DOCK6: variants seen among roughly 807,000 people sequenced by gnomAD.
DOCK6 encodes the protein dedicator of cytokinesis protein 6.
In DOCK6, 167 loss-of-function variants were observed where a neutral mutation model predicts 230.3. That is an observed-to-expected ratio of 0.73 (90% CI 0.64 to 0.82). The LOEUF is 0.82. DOCK6 is among the 40% of genes least tolerant of loss of function. DOCK6 has a pLI of 0.00. For synonymous variants in DOCK6, 1,148 were observed against 1,185.0 expected, an observed-to-expected ratio of 0.97 and a Z score of 0.64; for missense variants, 2,598 against 2,825.8, an observed-to-expected ratio of 0.92 and a Z score of 1.83.
Position 11,204,064 on chromosome 19 carries a change from C to T in DOCK6, c.5235+17G>A. On this transcript the variant is annotated intron_variant, in intron 41 of 47. Transcript: ENST00000294618. ...GGGGTCCCAGAGGCAGGTGGCTGTC[C>T]ACCAAGGCTGACTCACCTCCCAGCC... 1 of 1,549,046 alleles carries T rather than the reference C, an allele frequency of 6.5e-7. No individual in the cohort carries two copies. The highest frequency in any genetic ancestry group is 8.7e-7 in the Non-Finnish European group (1 of 1,146,440).
At chr19:11,237,168 A>G (rs1464308822) in intron 18 of DOCK6, 13 of 589,336 alleles carry the variant, frequency 2.2e-5, no homozygotes, top group Non-Finnish European at 3.3e-5. Flanking sequence ...GTCATTAACA[A>G]TGGTGCATTC....
At chr19:11,230,398 T>A (rs2147809345) in intron 22 of DOCK6, among the ~76,000 whole-genome samples, 1 of 151,548 alleles carries the variant, frequency 6.6e-6, no homozygotes, top group African/African-American at 2.4e-5. Context: ...AGTACGCCAG[T>A]GACCAGTGAC....
chr19:11,202,251 A>G lies in DOCK6; in HGVS notation c.5452-126T>C, dbSNP rs2079182121. ...TCTTCCTATGTCTGGATGTTTGGGA[A>G]TCCCCTGAGGAATAGGTTTTGGGGT... On this transcript the variant is annotated intron_variant, in intron 43 of 47. Coordinates refer to ENST00000294618, the MANE Select transcript of DOCK6 (RefSeq NM_020812.4). The surrounding 1 kb of genome is among the most constrained non-coding windows in gnomAD (Gnocchi z 5.3). 1 of 1,378,268 alleles carries G rather than the reference A, an allele frequency of 7.3e-7. No homozygotes were observed. Among genetic ancestry groups the G allele is most frequent in the African/African-American group, 1.4e-5 (1 of 69,382 alleles). The allele number at this position is 1,378,268 out of a possible 1,614,324, so 85.4% of individuals were successfully genotyped here.
intron 41 of DOCK6, 78 bp downstream of exon 41, chr19:11,204,003 C>G: frequency 2.6e-6 from 4 of 1,536,822 alleles, no homozygotes; most frequent in East Asian, 2.4e-5. Context: ...CTGGTGCCCC[C>G]TGGTGTTCAC....
At position 11,236,486 on chromosome 19, in the gene DOCK6, C is replaced by T; in HGVS notation, c.2252G>A (p.Gly751Asp). Reference protein sequence around the residue: ...FRLKDTVLSEGNVEQELRASL... With the variant: ...FRLKDTVLSEDNVEQELRASL... ...GGCCCGCAGCTCCTGCTCCACGTTGCCCTCGCTCAGCACAGTGTCCTTGAG... is the reference window on the plus strand; with the variant it reads ...GGCCCGCAGCTCCTGCTCCACGTTGTCCTCGCTCAGCACAGTGTCCTTGAG... Residue 751 changes from glycine to aspartate, a missense_variant, in exon 20 of 48, where the codon GGC (glycine) becomes GAC (aspartate). Transcript: ENST00000294618. The surrounding 1 kb of genome is among the most constrained non-coding windows in gnomAD (Gnocchi z 5.2). 1.2e-6 allele frequency: 2 copies of T among 1,600,792 alleles called. No homozygotes were observed. The highest frequency in any genetic ancestry group is 1.7e-6 in the Non-Finnish European group (2 of 1,174,230).
intron 1 of DOCK6, among the ~76,000 whole-genome samples, chr19:11,261,253 C>T (rs1298666039): frequency 2.0e-5 from 3 of 152,000 alleles, no homozygotes; most frequent in Non-Finnish European, 2.9e-5. Flanking sequence ...TGGCCTCGAT[C>T]GATCCCTCTC....
Position 11,199,396 on chromosome 19 carries a change from AC to A in DOCK6, c.*100del. ...GCCCAGCCCCAAGTACAGTGTGGTC[AC>A]CCCACAGCCCAGTGGGCACCAGGGC... On this transcript the variant is annotated 3_prime_UTR_variant, in exon 48 of 48. Coordinates refer to ENST00000294618, the MANE Select transcript of DOCK6 (RefSeq NM_020812.4). 1 of 1,397,586 alleles carries A rather than the reference AC, an allele frequency of 7.2e-7. No individual in the cohort carries two copies. Among genetic ancestry groups the A allele is most frequent in the Non-Finnish European group, 9.9e-7 (1 of 1,007,704 alleles). The allele number at this position is 1,397,586 out of a possible 1,614,324, so 86.6% of individuals were successfully genotyped here.
At chr19:11,213,066 C>T (rs1166714166) in intron 35 of DOCK6, 110 bp downstream of exon 35, 47 of 1,413,284 alleles carry the variant, frequency 3.3e-5, no homozygotes, top group Non-Finnish European at 4.3e-5. Context: ...TCCTCCTGCT[C>T]ATTATGCTCA....
chr19:11,250,257 C>T lies in DOCK6; in HGVS notation c.720+617G>A, dbSNP rs191846353. Among the ~76,000 whole-genome samples the T allele has an allele frequency of 2.2e-4, 34 of 151,238 alleles. 1 individual carries two copies. The East Asian group carries it at 3.1e-3, about 14-fold the overall frequency. On this transcript the variant is annotated intron_variant, in intron 6 of 47. Coordinates refer to ENST00000294618, the MANE Select transcript of DOCK6 (RefSeq NM_020812.4). ...AACTCCTGACCTCAGGTGATCCACCCGCCTCAGCCTCCCAAAGTGCTGGGA... is the reference window on the plus strand; with the variant it reads ...AACTCCTGACCTCAGGTGATCCACCTGCCTCAGCCTCCCAAAGTGCTGGGA...
intron 5 of DOCK6, chr19:11,251,872 T>C (rs957829304): frequency 1.9e-6 from 1 of 539,062 alleles, no homozygotes; most frequent in East Asian, 3.3e-5. Flanking sequence ...TCAGTTTCCT[T>C]ACCTGGGTGT....
chr19:11,232,541 G>A lies in DOCK6; in HGVS notation c.2718+662C>T, dbSNP rs915170502. On this transcript the variant is annotated intron_variant, in intron 22 of 47. Transcript: ENST00000294618. Reference sequence around the variant, plus strand: ...ATGGGGTGCATGTGTATACACACCCGTACACATATATGCATCAGGTGAATG... The same window carrying A: ...ATGGGGTGCATGTGTATACACACCCATACACATATATGCATCAGGTGAATG... Among the ~76,000 whole-genome samples the A allele has an allele frequency of 5.9e-5, 9 of 152,172 alleles. No individual in the cohort carries two copies. In the South Asian group the frequency reaches 1.0e-3, roughly 18 times the overall value.
chr19:11,217,302 C>G lies in DOCK6; in HGVS notation c.3640G>C (p.Val1214Leu). Residue 1214 changes from valine to leucine, a missense_variant, in exon 29 of 48, where the codon GTG becomes CTG. By Grantham distance (32) the Val-to-Leu change is conservative. Coordinates refer to ENST00000294618, the MANE Select transcript of DOCK6 (RefSeq NM_020812.4). Reference sequence around the variant, plus strand: ...GGGCCACCAGCAATGGCCATGGCCACAGAGGGGTTGATGGTACCCGCAATG... The same window carrying G: ...GGGCCACCAGCAATGGCCATGGCCAGAGAGGGGTTGATGGTACCCGCAATG... ...GDIAGTINPS[V>L]AMAIAGGPLA... is the part of the protein sequence containing the mutation. 6.2e-7 allele frequency: 1 copy of G among 1,613,230 alleles called. No individual in the cohort carries two copies. Among genetic ancestry groups the G allele is most frequent in the South Asian group, 1.1e-5 (1 of 90,938 alleles).
At chr19:11,247,920 C>T in intron 7 of DOCK6, 146 bp downstream of exon 7, 1 of 649,252 alleles carries the variant, frequency 1.5e-6, no homozygotes, top group South Asian at 1.8e-5. Flanking sequence ...GGAAGTCTTC[C>T]TTCCCCCATA....
At chr19:11,239,313 T>C (rs2079902076) in intron 14 of DOCK6, among the ~76,000 whole-genome samples, 1 of 152,198 alleles carries the variant, frequency 6.6e-6, no homozygotes, top group Non-Finnish European at 1.5e-5. Context: ...ATAAAATCTT[T>C]ACTGTTATTA....
At chr19:11,241,438 C>G in intron 14 of DOCK6, 2 of 1,541,904 alleles carry the variant, frequency 1.3e-6, no homozygotes, top group Non-Finnish European at 1.8e-6. Context: ...CATTCTGACC[C>G]CCACAGGCTC....
rs2080153666 is a variant in DOCK6 at position 11,253,537 on chromosome 19, G to C, written c.132+102C>G. On this transcript the variant is annotated intron_variant, in intron 2 of 47. Transcript: ENST00000294618. The stretch of plus-strand genomic sequence containing the variant: ...TCCCTCTCGGTTTCCCCCCAGGACA[G>C]GCCACAGGAGGGAGGGGGTGGGATA... 4.0e-6 allele frequency: 3 copies of C among 751,616 alleles called. No homozygotes were observed. The South Asian group carries it at 9.2e-5, about 23-fold the overall frequency. 46.6% of individuals were successfully genotyped at this position (751,616 alleles called of 1,614,324 possible).
intron 39 of DOCK6, among the ~76,000 whole-genome samples, chr19:11,206,599 T>C (rs2079265048): frequency 6.6e-6 from 1 of 151,322 alleles, no homozygotes; most frequent in Admixed American, 6.6e-5. Flanking sequence ...AGACTTAGGA[T>C]ACAGATCAGC....
In DOCK6 at chr19:11,210,061, CCTTCA is replaced by C. The variant is rs1306390945; in HGVS notation, c.4752-963_4752-959del. On this transcript the variant is annotated intron_variant, in intron 37 of 47. Transcript: ENST00000294618. Reference sequence around the variant, plus strand: ...CTGTCCACCCTCTCACCTGTCCATCCCTTCACTTGTCTATCCCCTCACCTGCCCAC... The same window carrying C: ...CTGTCCACCCTCTCACCTGTCCATCCCTTGTCTATCCCCTCACCTGCCCAC... Among the ~76,000 whole-genome samples, 49 of 148,078 alleles carry C rather than the reference CCTTCA, an allele frequency of 3.3e-4. 1 individual carries two copies. The highest frequency in any genetic ancestry group is 1.1e-3 in the African/African-American group (43 of 40,026).
At chr19:11,246,879 C>G (rs776138883) in intron 7 of DOCK6, among the ~76,000 whole-genome samples, 2 of 152,146 alleles carry the variant, frequency 1.3e-5, no homozygotes, top group Non-Finnish European at 2.9e-5. Context: ...TGAGCACTCC[C>G]CGTTACACCC....
Sources: allele counts gnomAD v4.1 joint callset (sites outside exome capture counted in the v4.1 genomes callset), GRCh38; gene constraint gnomAD v4.1.1; non-coding constraint Gnocchi (gnomAD v3.1); transcripts MANE v1.5; gene names NCBI Gene and HGNC (gene_info 2026-07-23, HGNC 2026-07-21).